Variants in CREB3L2 observed in about 807,000 individuals in gnomAD.
CREB3L2 encodes cAMP responsive element binding protein 3 like 2.
A neutral mutation model predicts 57.2 loss-of-function variants in CREB3L2; 23 were observed. The ratio of observed to expected loss-of-function variants is 0.40; its 90% CI spans 0.29 to 0.57. The LOEUF is 0.57. Among genes scored for constraint, CREB3L2 ranks in the 20% least tolerant of loss-of-function variants. CREB3L2 has a pLI of 0.42. For synonymous variants in CREB3L2, 268 were observed against 265.1 expected (o/e 1.01, Z -0.11); for missense variants, 628 against 634.7 (o/e 0.99, Z 0.11).
chr7:138,000,970 C>CA (rs1439347351), intron 1 of CREB3L2, among the ~76,000 whole-genome samples: 1 of 152,020 alleles, frequency 6.6e-6, no homozygotes, highest in Non-Finnish European at 1.5e-5. Context: ...TCAGATTTTC[C>CA]ATACTCCTCT....
At chr7:137,995,234 A>C (rs1801968252) in intron 1 of CREB3L2, among the ~76,000 whole-genome samples, 1 of 151,948 alleles carries the variant, frequency 6.6e-6, no homozygotes, top group Non-Finnish European at 1.5e-5. Context: ...CACACATCCA[A>C]CCTGAGGATG....
At position 137,885,057 on chromosome 7, in the gene CREB3L2, G is replaced by A; in HGVS notation, c.1208C>T (p.Ser403Phe). ...GCTGGGCAGAGCCATCTTGGTGGCAGAAGGATAGGGCCCGTAGCCTTGAAA... is the reference window on the plus strand; with the variant it reads ...GCTGGGCAGAGCCATCTTGGTGGCAAAAGGATAGGGCCCGTAGCCTTGAAA... ...SFFQGYGPYP[S>F]ATKMALPSQH... Residue 403 changes from serine (S) to phenylalanine (F), a missense_variant, in exon 10 of 12, where the codon TCT becomes TTT. Ser to Phe is a radical substitution (Grantham distance 155, BLOSUM62 -2). This residue lies in a region of CREB3L2 where 272 missense variants were observed against 242.7 expected (regional missense o/e 1.12). Transcript: ENST00000330387. 1 of 1,614,200 alleles carries A rather than the reference G, an allele frequency of 6.2e-7. No homozygotes were observed. The highest frequency in any genetic ancestry group is 2.2e-5 in the East Asian group (1 of 44,872).
At chr7:137,997,190 C>A (rs1213210624) in intron 1 of CREB3L2, among the ~76,000 whole-genome samples, 1 of 152,074 alleles carries the variant, frequency 6.6e-6, no homozygotes, top group Non-Finnish European at 1.5e-5. Flanking sequence ...TACCTCTAGT[C>A]CAGTTTTACA....
At chr7:137,936,547 T>TG (rs983048364) in intron 1 of CREB3L2, among the ~76,000 whole-genome samples, 61 of 152,188 alleles carry the variant, frequency 4.0e-4, no homozygotes, top group African/African-American at 1.4e-3. Context: ...TCACCTTTTT[T>TG]AAATTCTTAG....
intron 1 of CREB3L2, among the ~76,000 whole-genome samples, chr7:137,986,189 C>T (rs930600188): frequency 6.6e-6 from 1 of 152,226 alleles, no homozygotes; most frequent in African/African-American, 2.4e-5. Flanking sequence ...TTTGTTCATC[C>T]ATTCATTCAC....
intron 7 of CREB3L2, among the ~76,000 whole-genome samples, chr7:137,903,187 G>C (rs987286969): frequency 2.6e-5 from 4 of 152,258 alleles, no homozygotes; most frequent in African/African-American, 9.6e-5. Context: ...CAGATATGGA[G>C]AGCCAACTAT....
intron 1 of CREB3L2, among the ~76,000 whole-genome samples, chr7:137,934,406 G>A (rs866257782): frequency 6.6e-6 from 1 of 152,240 alleles, no homozygotes; most frequent in Non-Finnish European, 1.5e-5. Context: ...GATGGACTAA[G>A]TACTTGACAT....
Position 137,879,149 on chromosome 7 carries a change from CAA to C in CREB3L2, c.*1325_*1326del, listed in dbSNP as rs1314812845. On this transcript the variant is annotated 3_prime_UTR_variant, in exon 12 of 12. Transcript: ENST00000330387. ...AAAGAGGAAAGATTTTTTTAAACTA[CAA>C]AAGTTACTTTTAACCATAAAAAAAA... 14 of 506,782 alleles carry C rather than the reference CAA, an allele frequency of 2.8e-5. No homozygotes were observed. The allele number at this position is 506,782 out of a possible 1,614,324, so 31.4% of individuals were successfully genotyped here.
rs1585580599 is a variant in CREB3L2 at position 137,876,921 on chromosome 7, G to A, written c.*3555C>T. On this transcript the variant is annotated 3_prime_UTR_variant, in exon 12 of 12. Transcript: ENST00000330387. ...CTGGGGGTGGGATGTCTCCATTTCT[G>A]GACTGTGCTCAAATTCACACCTTGT... is the stretch of plus-strand genomic sequence containing the variant. The A allele has an allele frequency of 4.3e-6, 1 of 232,374 alleles. No individual in the cohort carries two copies. The highest frequency in any genetic ancestry group is 8.5e-6 in the Non-Finnish European group (1 of 117,484). The allele number at this position is 232,374 out of a possible 1,614,324, so 14.4% of individuals were successfully genotyped here.
rs190396330 is a variant in CREB3L2, at chr7:137,903,917, G to A, written c.974+42C>T. 5.9e-6 allele frequency: 9 copies of A among 1,526,086 alleles called. No homozygotes were observed. In the African/African-American group the frequency reaches 6.8e-5, roughly 12 times the overall value. The allele number at this position is 1,526,086 out of a possible 1,614,324, so 94.5% of individuals were successfully genotyped here. ...TCTCCGCACACCCATATTTCCCTGT[G>A]CATACTGCCCGATGAACGCAACAGT... On this transcript the variant is annotated intron_variant, in intron 7 of 11. Coordinates refer to ENST00000330387, the MANE Select transcript of CREB3L2 (RefSeq NM_194071.4).
intron 1 of CREB3L2, among the ~76,000 whole-genome samples, chr7:137,954,056 T>C (rs980302826): frequency 9.9e-5 from 15 of 152,208 alleles, no homozygotes; most frequent in African/African-American, 3.6e-4. Context: ...CTTGAGAGGC[T>C]ACCTCTCTGC....
In CREB3L2 at chr7:137,927,052, G is replaced by A. The variant is rs573171914; in HGVS notation, c.319+1098C>T. On this transcript the variant is annotated intron_variant, in intron 2 of 11. Coordinates refer to ENST00000330387, the MANE Select transcript of CREB3L2 (RefSeq NM_194071.4). ...CATGCCTGTAGTCCCAGCAACTTGG[G>A]AGGCTGAGGCTGAATGACTACATGA... 6.6e-5 allele frequency among the ~76,000 whole-genome samples: 10 copies of A among 152,162 alleles called. No homozygotes were observed. The East Asian group carries it at 1.2e-3, about 18-fold the overall frequency.
intron 1 of CREB3L2, among the ~76,000 whole-genome samples, chr7:137,931,521 CAAA>C (rs59161952): frequency 1.1e-3 from 70 of 61,060 alleles, no homozygotes; most frequent in African/African-American, 3.1e-3. Flanking sequence ...GACTCCGTCT[CAAA>C]AAAAAAAAAA....
chr7:137,938,209 T>C lies in CREB3L2; in HGVS notation c.103-9843A>G, dbSNP rs543799943. Among the ~76,000 whole-genome samples, 3 of 152,326 alleles carry C rather than the reference T, an allele frequency of 2.0e-5. No individual in the cohort carries two copies. The South Asian group carries it at 6.2e-4, about 32-fold the overall frequency. ...CAATGTGTCAATGTATCTACCATCATGTCTACCAATATGATGGTAGATGTT... is the reference window on the plus strand; with the variant it reads ...CAATGTGTCAATGTATCTACCATCACGTCTACCAATATGATGGTAGATGTT... On this transcript the variant is annotated intron_variant, in intron 1 of 11. Transcript: ENST00000330387.
chr7:137,891,326 A>G (rs1799524154), intron 8 of CREB3L2, among the ~76,000 whole-genome samples: 1 of 152,230 alleles, frequency 6.6e-6, no homozygotes, highest in Non-Finnish European at 1.5e-5. Flanking sequence ...CAATCTTACA[A>G]TAACTGGGAA....
At chr7:137,975,334 G>T (rs1435369513) in intron 1 of CREB3L2, among the ~76,000 whole-genome samples, 1 of 152,154 alleles carries the variant, frequency 6.6e-6, no homozygotes, top group African/African-American at 2.4e-5. Flanking sequence ...CTCATAACCA[G>T]CAGGCTATTT....
chr7:137,920,687 T>C (rs533405982), intron 2 of CREB3L2, among the ~76,000 whole-genome samples: 6 of 152,338 alleles, frequency 3.9e-5, no homozygotes, highest in South Asian at 4.1e-4. Flanking sequence ...CTATGGATCA[T>C]ATCAATAAAT....
intron 1 of CREB3L2, among the ~76,000 whole-genome samples, chr7:137,977,040 A>T (rs1801620778): frequency 6.6e-6 from 1 of 152,198 alleles, no homozygotes; most frequent in Admixed American, 6.5e-5. Flanking sequence ...TTTAGAAATG[A>T]GGCTGCAGAA....
At chr7:137,889,784 C>T (rs1211211257) in intron 8 of CREB3L2, among the ~76,000 whole-genome samples, 1 of 152,222 alleles carries the variant, frequency 6.6e-6, no homozygotes, top group African/African-American at 2.4e-5. Context: ...AACAGAAACA[C>T]TCCTTTTCAT....
Sources: gnomAD v4.1 joint callset for allele counts (sites outside exome capture counted in the v4.1 genomes callset) on GRCh38, gnomAD v4.1.1 for gene constraint, gnomAD v4.1.1 regional missense constraint, MANE v1.5 for transcripts, NCBI Gene and HGNC (gene_info 2026-07-23, HGNC 2026-07-21) for gene names.